Variants in KLHL12 observed in about 807,000 individuals in gnomAD.
KLHL12 encodes kelch like family member 12.
A neutral mutation model predicts 60.8 loss-of-function variants in KLHL12; 17 were observed. The observed-to-expected ratio is 0.28, with a 90% CI of 0.19 to 0.42. KLHL12 has a LOEUF of 0.42. Ranked by LOEUF, KLHL12 falls within the 10% of genes least tolerant of loss-of-function variation. The pLI, the probability that KLHL12 is intolerant of heterozygous loss-of-function variation, is 1.00. For missense variants in KLHL12, 468 were observed against 722.3 expected (o/e 0.65, Z 4.04); for synonymous variants, 220 against 250.9 (o/e 0.88, Z 1.16).
At chr1:202,915,804 A>G (rs1007062606) in intron 4 of KLHL12, among the ~76,000 whole-genome samples, 2 of 152,224 alleles carry the variant, frequency 1.3e-5, no homozygotes, top group African/African-American at 4.8e-5. Flanking sequence ...GAATTAAATG[A>G]GATAAAAATA....
chr1:202,908,914 G>A (rs1386235103), intron 6 of KLHL12, 96 bp downstream of exon 6: 1 of 766,568 alleles, frequency 1.3e-6, no homozygotes, highest in Admixed American at 2.1e-5. Flanking sequence ...GAAACGAGGT[G>A]TCTGTACTTC....
chr1:202,901,742 A>G (rs1197635801), intron 6 of KLHL12, among the ~76,000 whole-genome samples: 1 of 152,162 alleles, frequency 6.6e-6, no homozygotes, highest in African/African-American at 2.4e-5. Context: ...GAGTTTAAGT[A>G]ATTAACTTCC....
At chr1:202,928,004 G>A (rs1288744095), upstream of KLHL12, among the ~76,000 whole-genome samples, 102 of 147,328 alleles carry the variant, frequency 6.9e-4, no homozygotes, top group African/African-American at 2.5e-3. Context: ...AAAAGGCCAG[G>A]CGAGGTGGCT....
At chr1:202,905,274 A>C (rs115165606) in intron 6 of KLHL12, among the ~76,000 whole-genome samples, 1,665 of 152,312 alleles carry the variant, frequency 0.011, 30 homozygotes, top group African/African-American at 0.038. Flanking sequence ...ACCTCCAAAG[A>C]ATCTTCTGGG....
intron 6 of KLHL12, among the ~76,000 whole-genome samples, chr1:202,904,315 C>T (rs1660117634): frequency 6.6e-6 from 1 of 152,168 alleles, no homozygotes; most frequent in African/African-American, 2.4e-5. Context: ...ACCCTTTAAC[C>T]CTTTAAAGGG....
At chr1:202,896,517 G>A (rs1659839103) in intron 7 of KLHL12, among the ~76,000 whole-genome samples, 1 of 152,094 alleles carries the variant, frequency 6.6e-6, no homozygotes, top group Non-Finnish European at 1.5e-5. Context: ...ACTGAACACT[G>A]GGTTCAATTC....
chr1:202,927,134 T>C lies in KLHL12; in HGVS notation c.-91A>G, dbSNP rs914362598. 2 of 985,240 alleles carry C rather than the reference T, an allele frequency of 2.0e-6. No individual in the cohort carries two copies. Among genetic ancestry groups the C allele is most frequent in the Non-Finnish European group, 2.4e-6 (2 of 829,914 alleles). The allele number at this position is 985,240 out of a possible 1,614,324, so 61.0% of individuals were successfully genotyped here. A position where few individuals can be genotyped will look rare whatever the true frequency, so the allele number is the denominator to read the frequency against. On this transcript the variant is annotated 5_prime_UTR_variant, in exon 1 of 12. Coordinates refer to ENST00000367261, the MANE Select transcript of KLHL12 (RefSeq NM_021633.4). ...AGCCGCACCGGGCCCGTCCCCAGCC[T>C]GTGGGGATGGAGTGCGGCGCGGGGC... is the stretch of plus-strand genomic sequence containing the variant.
chr1:202,915,929 T>C (rs1178325344), intron 4 of KLHL12, among the ~76,000 whole-genome samples: 1 of 152,258 alleles, frequency 6.6e-6, no homozygotes, highest in Non-Finnish European at 1.5e-5. Context: ...GTTCAACAAG[T>C]ATTTAGTAAG....
chr1:202,912,329 C>T (rs531222115), intron 4 of KLHL12: 6 of 795,754 alleles, frequency 7.5e-6, no homozygotes, highest in Non-Finnish European at 1.3e-5. Flanking sequence ...CTACGAATGG[C>T]CATAACTGTG....
At chr1:202,905,923 G>C (rs2102425022) in intron 6 of KLHL12, among the ~76,000 whole-genome samples, 1 of 141,538 alleles carries the variant, frequency 7.1e-6, no homozygotes, top group Non-Finnish European at 1.5e-5. Context: ...TCCTGCCTCA[G>C]CCTCCTGAGT....
chr1:202,894,822 TC>T, intron 8 of KLHL12, 73 bp from the exon 9 acceptor site: 2 of 1,303,444 alleles, frequency 1.5e-6, no homozygotes, highest in Non-Finnish European at 2.2e-6. Context: ...CTACAAATTT[TC>T]CAAGGGTCCT....
intron 11 of KLHL12, 100 bp from the exon 12 acceptor site, chr1:202,892,759 T>C: frequency 7.6e-7 from 1 of 1,311,758 alleles, no homozygotes; most frequent in Non-Finnish European, 1.1e-6. Flanking sequence ...AGAGGATTGC[T>C]TAAGCCCAGG....
Position 202,911,477 on chromosome 1 carries a change from T to G in KLHL12, c.568-274A>C, listed in dbSNP as rs1054370911. ...ATGTATCTCTCTCTCTCTCTCTCTC[T>G]CTAAGATAGATAGTACCTAATAAAT... On this transcript the variant is annotated intron_variant, in intron 4 of 11. Transcript: ENST00000367261. 2.2e-3 allele frequency among the ~76,000 whole-genome samples: 305 copies of G among 141,182 alleles called. 1 individual carries two copies. Among genetic ancestry groups the G allele is most frequent in the Non-Finnish European group, 2.8e-3 (176 of 63,788 alleles). The allele number at this position is 141,182 out of a possible 152,430, so 92.6% of individuals were successfully genotyped here.
In KLHL12 at chr1:202,892,620, A is replaced by G. The variant is rs1223344547; in HGVS notation, c.1620T>C (p.Tyr540=). 6 of 1,614,156 alleles carry G rather than the reference A, an allele frequency of 3.7e-6. No individual in the cohort carries two copies. The Admixed American group carries it at 5.0e-5, about 13-fold the overall frequency. The change falls in exon 12 of 12, where the codon TAT becomes TAC. Residue 540 remains tyrosine (Y), a synonymous_variant. Transcript: ENST00000367261. ...CTTCCCAGCTGTCGATGATAGGGTC[A>G]TAACATTCAATGCTACTTAGCAGGG... The part of the protein sequence containing the change: ...GNSLLSSIEC[Y]DPIIDSWEVV...
upstream of KLHL12, chr1:202,928,568 C>A (rs929757720): frequency 7.7e-7 from 1 of 1,298,148 alleles, no homozygotes; most frequent in Non-Finnish European, 1.0e-6. Flanking sequence ...ATGGCCTTTT[C>A]GGGCCGAACA....
chr1:202,895,721 T>C lies in KLHL12; in HGVS notation c.940-4A>G, dbSNP rs1205855902. The C allele has an allele frequency of 1.2e-6, 2 of 1,613,014 alleles. No homozygotes were observed. Among genetic ancestry groups the C allele is most frequent in the Non-Finnish European group, 1.7e-6 (2 of 1,179,264 alleles). ...AACGTCTCTTACGAGTGATGCTCTA[T>C]GGATTTGGAGAGAAGAGGTACAGAG... On this transcript the variant is annotated splice_region_variant and splice_polypyrimidine_tract_variant and intron_variant, in intron 7 of 11. Coordinates refer to ENST00000367261, the MANE Select transcript of KLHL12 (RefSeq NM_021633.4). The surrounding 1 kb of genome is among the most constrained non-coding windows in gnomAD (Gnocchi z 4.2).
At chr1:202,927,377 G>T, upstream of KLHL12, 1 of 647,958 alleles carries the variant, frequency 1.5e-6, no homozygotes, top group Non-Finnish European at 1.9e-6. Flanking sequence ...CTGCTAGGAA[G>T]CCGAATTACA....
chr1:202,893,411 G>A lies in KLHL12; in HGVS notation c.1408C>T (p.Leu470=). The A allele has an allele frequency of 1.2e-6, 2 of 1,613,066 alleles. No homozygotes were observed. Among genetic ancestry groups the A allele is most frequent in the Non-Finnish European group, 1.7e-6 (2 of 1,179,424 alleles). Residue 470 remains leucine, a synonymous_variant, in exon 11 of 12, where the codon CTG becomes TTG. Coordinates refer to ENST00000367261, the MANE Select transcript of KLHL12 (RefSeq NM_021633.4). This position sits in a 1 kb window ranked among gnomAD's most constrained non-coding sequence, Gnocchi z 4.1. ...ATKRSGAGVA[L]LNDHIYVVGG... ...ACCACATAAATATGGTCATTCAGCAGGGCTACTCCTGCACCTGGGGAAAAT... is the reference window on the plus strand; with the variant it reads ...ACCACATAAATATGGTCATTCAGCAAGGCTACTCCTGCACCTGGGGAAAAT...
At chr1:202,912,266 A>C in intron 4 of KLHL12, 1 of 1,030,852 alleles carries the variant, frequency 9.7e-7, no homozygotes, top group South Asian at 1.3e-5. Context: ...TTGCCTTTGT[A>C]ACCTTTGATG....
Sources: gnomAD v4.1 joint callset for allele counts (sites outside exome capture counted in the v4.1 genomes callset) on GRCh38, gnomAD v4.1.1 for gene constraint, Gnocchi (gnomAD v3.1) non-coding constraint, MANE v1.5 for transcripts, NCBI Gene and HGNC (gene_info 2026-07-23, HGNC 2026-07-21) for gene names.